TBL1Y: variants seen among roughly 807,000 people sequenced by gnomAD.
TBL1Y encodes the protein F-box-like/WD repeat-containing protein TBL1Y.
TBL1Y carries 15 observed loss-of-function variants against 12.0 expected under a neutral mutation model. The observed-to-expected ratio is 1.25, with a 90% CI of 0.83 to 1.92. The LOEUF (loss-of-function observed/expected upper bound fraction) is 1.92. Among genes scored for constraint, TBL1Y ranks in the 40% most tolerant of loss-of-function variants. The pLI is 0.00. For missense variants in TBL1Y, 148 were observed against 116.7 expected, an observed-to-expected ratio of 1.27 and a Z score of -1.24; for synonymous variants, 53 against 42.6, an observed-to-expected ratio of 1.24 and a Z score of -0.95.
chrY:7,018,767 G>A, intron 4 of TBL1Y, among the ~76,000 whole-genome samples: 1 of 33,309 alleles, frequency 3.0e-5, no homozygotes, highest in Non-Finnish European at 7.4e-5. Flanking sequence ...GGAACACCCA[G>A]GGTCTGTTAG....
intron 2 of TBL1Y, among the ~76,000 whole-genome samples, chrY:6,931,043 C>A: frequency 3.0e-5 from 1 of 32,912 alleles, no homozygotes; most frequent in African/African-American, 1.2e-4. Flanking sequence ...CTGGACACAC[C>A]ATTTTTAAGA....
intron 3 of TBL1Y, among the ~76,000 whole-genome samples, chrY:6,994,593 T>C (rs2012397744): frequency 2.9e-5 from 1 of 34,352 alleles, no homozygotes; most frequent in African/African-American, 1.1e-4. Context: ...TTGTACTCTT[T>C]TAAAAGATCT....
intron 2 of TBL1Y, among the ~76,000 whole-genome samples, chrY:6,974,935 C>T (rs2124124231): frequency 3.0e-5 from 1 of 33,816 alleles, no homozygotes; most frequent in Admixed American, 2.7e-4. Flanking sequence ...AGCAGCCCAG[C>T]TGGGACTCTG....
chrY:7,061,280 C>G (rs2012864389), intron 7 of TBL1Y, among the ~76,000 whole-genome samples: 1 of 30,884 alleles, frequency 3.2e-5, no homozygotes, highest in East Asian at 8.6e-4. Context: ...AGGAAGGCTA[C>G]AGGTTTTCAG....
intron 2 of TBL1Y, among the ~76,000 whole-genome samples, chrY:6,925,479 C>T: frequency 3.0e-5 from 1 of 33,316 alleles, no homozygotes; most frequent in East Asian, 7.9e-4. Flanking sequence ...AGTGCAATGA[C>T]GTGGTCTCAG....
chrY:6,983,453 A>G (rs756176810), intron 3 of TBL1Y, among the ~76,000 whole-genome samples: 2 of 33,065 alleles, frequency 6.0e-5, no homozygotes, highest in Non-Finnish European at 1.5e-4. Flanking sequence ...GTTTACTAAG[A>G]AAGGAAAAGG....
chrY:6,974,543 G>T (rs2012226582), intron 2 of TBL1Y, among the ~76,000 whole-genome samples: 1 of 34,529 alleles, frequency 2.9e-5, no homozygotes, highest in Non-Finnish European at 7.2e-5. Flanking sequence ...GGATGTCTCT[G>T]TAGACACGAG....
chrY:7,030,266 T>C (rs2012646913), intron 6 of TBL1Y, among the ~76,000 whole-genome samples: 1 of 34,000 alleles, frequency 2.9e-5, no homozygotes, highest in Non-Finnish European at 7.3e-5. Flanking sequence ...AGCTCTGGTG[T>C]ATATATCTGC....
intron 7 of TBL1Y, among the ~76,000 whole-genome samples, chrY:7,049,555 C>T (rs891154891): frequency 1.5e-4 from 5 of 33,440 alleles, no homozygotes; most frequent in Non-Finnish European, 3.7e-4. Flanking sequence ...TTTTAATGAT[C>T]GCCATTCTAA....
chrY:6,996,951 A>G (rs910639689), intron 4 of TBL1Y, among the ~76,000 whole-genome samples: 16 of 33,421 alleles, frequency 4.8e-4, no homozygotes, highest in Non-Finnish European at 8.9e-4. Flanking sequence ...TGTCACACTC[A>G]TAAACAAACT....
At chrY:6,930,857 T>C in intron 2 of TBL1Y, among the ~76,000 whole-genome samples, 1 of 33,083 alleles carries the variant, frequency 3.0e-5, no homozygotes, top group Non-Finnish European at 7.4e-5. Flanking sequence ...GGCAGCTTTG[T>C]TCTTTTGAGC....
Position 6,942,879 on chromosome Y carries a change from C to T in TBL1Y, c.-266+30707C>T, listed in dbSNP as rs373687732. Among the ~76,000 whole-genome samples the T allele has an allele frequency of 3.4e-4, 11 of 32,297 alleles. No homozygotes were observed. The East Asian group carries it at 5.9e-3, about 17-fold the overall frequency. 86.6% of individuals were successfully genotyped at this position (32,297 alleles called of 37,273 possible). A position where few individuals can be genotyped will look rare whatever the true frequency, so the allele number is the denominator to read the frequency against. On this transcript the variant is annotated intron_variant, in intron 2 of 18. Transcript: ENST00000383032. ...TGTCTGTAATCTCAGTGCTTTGGAACGCTGAGGTTGGTAGGATTGCTTGAG... is the reference window on the plus strand; with the variant it reads ...TGTCTGTAATCTCAGTGCTTTGGAATGCTGAGGTTGGTAGGATTGCTTGAG...
intron 4 of TBL1Y, among the ~76,000 whole-genome samples, chrY:7,012,280 A>G: frequency 8.8e-5 from 3 of 33,910 alleles, no homozygotes; most frequent in African/African-American, 2.3e-4. Context: ...ATGACGTGAT[A>G]AAAAAGAAAA....
intron 3 of TBL1Y, among the ~76,000 whole-genome samples, chrY:6,988,953 A>G (rs2012342253): frequency 3.1e-5 from 1 of 32,575 alleles, no homozygotes; most frequent in African/African-American, 1.2e-4. Context: ...ATGTTACTTA[A>G]TTTGCATGTG....
chrY:6,915,668 G>T (rs2011729484), intron 2 of TBL1Y, among the ~76,000 whole-genome samples: 2 of 33,682 alleles, frequency 5.9e-5, no homozygotes, highest in African/African-American at 2.3e-4. Context: ...TCCAGAGGCA[G>T]AAAAATGTTC....
chrY:6,954,957 A>G, intron 2 of TBL1Y, among the ~76,000 whole-genome samples: 1 of 34,120 alleles, frequency 2.9e-5, no homozygotes. Context: ...TAGGATGTAT[A>G]TTAGAAAGAA....
intron 2 of TBL1Y, among the ~76,000 whole-genome samples, chrY:6,957,739 C>A: frequency 6.0e-5 from 2 of 33,447 alleles, no homozygotes; most frequent in Admixed American, 2.7e-4. Context: ...ACAAGGAGTA[C>A]CAGATAAATT....
intron 7 of TBL1Y, among the ~76,000 whole-genome samples, chrY:7,061,459 C>G: frequency 6.1e-5 from 2 of 32,704 alleles, no homozygotes; most frequent in Admixed American, 5.6e-4. Flanking sequence ...ACTTCTATCT[C>G]TCTCTTTTTC....
chrY:6,990,546 C>G (rs2012354711), intron 3 of TBL1Y, among the ~76,000 whole-genome samples: 2 of 25,104 alleles, frequency 8.0e-5, no homozygotes, highest in African/African-American at 3.6e-4. Context: ...CTGAACTGGC[C>G]ATTTCTTTTT....
Sources: gnomAD v4.1 joint callset for allele counts (sites outside exome capture counted in the v4.1 genomes callset) on GRCh38, gnomAD v4.1.1 for gene constraint, MANE v1.5 for transcripts, NCBI Gene and HGNC (gene_info 2026-07-23, HGNC 2026-07-21) for gene names.